The following DPYD variants were observed in gnomAD, a reference collection of about 807,000 sequenced individuals.
The protein encoded by DPYD is dihydropyrimidine dehydrogenase.
In DPYD, 109 loss-of-function variants were observed where a neutral mutation model predicts 116.2. The observed-to-expected ratio is 0.94, with a 90% CI of 0.80 to 1.10. The LOEUF is 1.10. DPYD is among the 50% of genes least tolerant of loss of function. The probability of loss-of-function intolerance (pLI) is 0.00; values close to 1 mark genes in which losing one functional copy is unlikely to be tolerated. For synonymous variants in DPYD, 440 were observed against 432.0 expected (o/e 1.02, Z -0.23); for missense variants, 1,302 against 1,254.5 (o/e 1.04, Z -0.57).
intron 20 of DPYD, among the ~76,000 whole-genome samples, chr1:97,152,233 C>T (rs1514495): frequency 0.31 from 46,470 of 151,950 alleles, 8,148 homozygotes; most frequent in East Asian, 0.65. Flanking sequence ...AAAGTTTCTA[C>T]GGATGTGGCT....
At chr1:97,242,843 T>A (rs1423496167) in intron 18 of DPYD, among the ~76,000 whole-genome samples, 1 of 151,716 alleles carries the variant, frequency 6.6e-6, no homozygotes, top group Non-Finnish European at 1.5e-5. Flanking sequence ...AATAGGATGA[T>A]CTCTCTTGAT....
At chr1:97,532,921 T>TG (rs371163871) in intron 12 of DPYD, among the ~76,000 whole-genome samples, 30,304 of 148,764 alleles carry the variant, frequency 0.2, 3,845 homozygotes, top group African/African-American at 0.36. Context: ...GTTTTTTTTT[T>TG]TTGTTGTTGT....
At chr1:97,663,919 A>G (rs974245551) in intron 8 of DPYD, among the ~76,000 whole-genome samples, 4 of 152,192 alleles carry the variant, frequency 2.6e-5, no homozygotes, top group African/African-American at 9.7e-5. Flanking sequence ...ATGAATAGAA[A>G]TATATACATG....
chr1:97,764,525 C>CA (rs1349982743), intron 3 of DPYD, among the ~76,000 whole-genome samples: 3 of 151,748 alleles, frequency 2.0e-5, no homozygotes, highest in Non-Finnish European at 2.9e-5. Context: ...CAGTTCTAAG[C>CA]AAAAAAATAA....
At chr1:97,800,453 T>C (rs79085678) in intron 3 of DPYD, among the ~76,000 whole-genome samples, 6,127 of 151,970 alleles carry the variant, frequency 0.04, 164 homozygotes, top group Middle Eastern at 0.061. Context: ...TGGTCTAACC[T>C]CTGTCACAGA....
chr1:97,381,288 T>C (rs1030919842), intron 15 of DPYD, among the ~76,000 whole-genome samples: 5 of 152,184 alleles, frequency 3.3e-5, no homozygotes, highest in African/African-American at 1.2e-4. Flanking sequence ...TTTTGACTTA[T>C]AAAAAGTAAT....
At chr1:97,690,681 T>C (rs1170626820) in intron 7 of DPYD, among the ~76,000 whole-genome samples, 1 of 152,024 alleles carries the variant, frequency 6.6e-6, no homozygotes, top group Admixed American at 6.6e-5. Flanking sequence ...TAAAAACTTT[T>C]CAGAATGTAC....
chr1:97,816,787 C>T (rs1350727561), intron 3 of DPYD, among the ~76,000 whole-genome samples: 1 of 152,036 alleles, frequency 6.6e-6, no homozygotes, highest in Non-Finnish European at 1.5e-5. Flanking sequence ...CCTAATCACA[C>T]TAATTACTTG....
At chr1:97,303,188 T>C (rs927524660) in intron 18 of DPYD, among the ~76,000 whole-genome samples, 1 of 151,908 alleles carries the variant, frequency 6.6e-6, no homozygotes, top group African/African-American at 2.4e-5. Flanking sequence ...AAGGGGAAAA[T>C]ATCCTTCACT....
intron 16 of DPYD, among the ~76,000 whole-genome samples, chr1:97,324,735 G>A (rs896804476): frequency 3.3e-5 from 5 of 151,996 alleles, no homozygotes; most frequent in Non-Finnish European, 7.4e-5. Context: ...ATGTCATAAT[G>A]AGTAAGCCCT....
At chr1:97,678,978 C>T in intron 8 of DPYD, 117 bp downstream of exon 8, 2 of 484,912 alleles carry the variant, frequency 4.1e-6, no homozygotes, top group Non-Finnish European at 7.2e-6. Flanking sequence ...ATCTGTTATT[C>T]CCTGAACAAA....
chr1:97,482,542 C>T (rs544464902), intron 13 of DPYD, among the ~76,000 whole-genome samples: 3 of 152,224 alleles, frequency 2.0e-5, no homozygotes, highest in Non-Finnish European at 4.4e-5. Context: ...GATTCAGGTA[C>T]ACATGGCTAA....
chr1:97,478,961 C>T (rs775645047), intron 13 of DPYD, among the ~76,000 whole-genome samples: 1 of 152,186 alleles, frequency 6.6e-6, no homozygotes, highest in Non-Finnish European at 1.5e-5. Context: ...TTCTCTTCTG[C>T]AGCTCCCTTA....
intron 16 of DPYD, among the ~76,000 whole-genome samples, chr1:97,355,674 T>A (rs1473332104): frequency 6.6e-6 from 1 of 152,198 alleles, no homozygotes; most frequent in African/African-American, 2.4e-5. Context: ...TAAGAGAATA[T>A]GCAATATTTG....
intron 20 of DPYD, among the ~76,000 whole-genome samples, chr1:97,122,606 A>C (rs559131861): frequency 1.3e-5 from 2 of 152,210 alleles, no homozygotes; most frequent in Admixed American, 1.3e-4. Flanking sequence ...CTTTAACTTA[A>C]TTATAACCAA....
chr1:97,101,509 A>C (rs981095485), intron 20 of DPYD, among the ~76,000 whole-genome samples: 5 of 150,490 alleles, frequency 3.3e-5, no homozygotes, highest in Non-Finnish European at 7.4e-5. Context: ...AGGATAAAGC[A>C]AGCAAGCAAG....
intron 8 of DPYD, among the ~76,000 whole-genome samples, chr1:97,643,315 C>G (rs189356105): frequency 6.6e-6 from 1 of 152,170 alleles, no homozygotes; most frequent in East Asian, 1.9e-4. Flanking sequence ...ATTTATGTGG[C>G]TAACAAGCAT....
intron 18 of DPYD, among the ~76,000 whole-genome samples, chr1:97,279,103 C>T (rs1008744954): frequency 6.6e-6 from 1 of 152,016 alleles, no homozygotes; most frequent in Non-Finnish European, 1.5e-5. Context: ...ATGAATGATC[C>T]TGTCACCCAG....
intron 8 of DPYD, among the ~76,000 whole-genome samples, chr1:97,596,687 A>T (rs1008506804): frequency 1.3e-5 from 2 of 152,210 alleles, no homozygotes; most frequent in Non-Finnish European, 2.9e-5. Context: ...GACTTTTGTC[A>T]TATGAGATAA....
Sources: allele counts gnomAD v4.1 joint callset (sites outside exome capture counted in the v4.1 genomes callset), GRCh38; gene constraint gnomAD v4.1.1; transcripts MANE v1.5; gene names NCBI Gene and HGNC (gene_info 2026-07-23, HGNC 2026-07-21).